Variants in HRH2 observed in about 807,000 individuals in gnomAD.
The protein encoded by HRH2 is histamine H2 receptor.
Under a neutral mutation model 20.1 loss-of-function variants are expected in HRH2, and 4 were observed. The ratio of observed to expected loss-of-function variants is 0.20; its 90% CI spans 0.10 to 0.45. HRH2 has a LOEUF of 0.45. Ranked by LOEUF, HRH2 falls within the 20% of genes least tolerant of loss-of-function variation. The pLI is 0.99. For synonymous variants in HRH2, 197 were observed against 200.7 expected, an observed-to-expected ratio of 0.98 and a Z score of 0.16; for missense variants, 250 against 461.6, an observed-to-expected ratio of 0.54 and a Z score of 4.20.
At chr5:175,684,811 G>A (rs1211771659) in intron 2 of HRH2, among the ~76,000 whole-genome samples, 1 of 152,210 alleles carries the variant, frequency 6.6e-6, no homozygotes, top group East Asian at 1.9e-4. Flanking sequence ...TTACCGTGGG[G>A]GGGGTGTAAG....
chr5:175,705,766 G>A (rs1013982646), intron 2 of HRH2, among the ~76,000 whole-genome samples: 18 of 151,872 alleles, frequency 1.2e-4, no homozygotes, highest in African/African-American at 4.1e-4. Flanking sequence ...AGGTTCAAGC[G>A]ATCCTCCTGC....
intron 1 of HRH2, among the ~76,000 whole-genome samples, chr5:175,682,464 T>G (rs1756018306): frequency 6.6e-6 from 1 of 152,186 alleles, no homozygotes; most frequent in Non-Finnish European, 1.5e-5. Context: ...GTACAAGCAC[T>G]TCCAGCCTTT....
In HRH2 at chr5:175,684,136, G is replaced by A; in HGVS notation, c.903G>A (p.Gln301=). The change falls in exon 2 of 3, where the codon CAG becomes CAA. Residue 301 remains glutamine, a synonymous_variant. Transcript: ENST00000636584. ...LNRDFRTGYQ[Q]LFCCRLANRN... ...GAGACTTCCGCACCGGGTACCAACA[G>A]CTCTTCTGCTGCAGGCTGGCCAACC... 1.2e-6 allele frequency: 2 copies of A among 1,614,184 alleles called. No individual in the cohort carries two copies. The highest frequency in any genetic ancestry group is 2.2e-5 in the South Asian group (2 of 91,084).
intron 1 of HRH2, among the ~76,000 whole-genome samples, chr5:175,665,524 G>T (rs939020663): frequency 2.6e-5 from 4 of 152,188 alleles, no homozygotes. Context: ...TCAGAGGGCT[G>T]TTAGAACCCA....
intron 2 of HRH2, chr5:175,685,788 T>TAAG (rs1756152018): frequency 2.1e-6 from 1 of 471,238 alleles, no homozygotes; most frequent in African/African-American, 2.0e-5. Flanking sequence ...CAATAGGACA[T>TAAG]AAGTCCACGC....
chr5:175,675,897 T>C (rs1208399073), intron 1 of HRH2, among the ~76,000 whole-genome samples: 3 of 152,274 alleles, frequency 2.0e-5, no homozygotes, highest in African/African-American at 7.2e-5. Flanking sequence ...TCTCCCATCC[T>C]GTCCCAGCTC....
At chr5:175,698,663 A>G (rs1193817777) in intron 2 of HRH2, among the ~76,000 whole-genome samples, 2 of 152,204 alleles carry the variant, frequency 1.3e-5, no homozygotes, top group African/African-American at 4.8e-5. Context: ...GTCCGAGGCT[A>G]TAGCTCATGA....
rs1003862180 is a variant in HRH2 at position 175,675,019 on chromosome 5, G to A, written c.-525-7690G>A. Among the ~76,000 whole-genome samples, 17 of 152,338 alleles carry A rather than the reference G, an allele frequency of 1.1e-4. 1 individual carries two copies. The highest frequency in any genetic ancestry group is 2.0e-4 in the Admixed American group (3 of 15,310). On this transcript the variant is annotated intron_variant, in intron 1 of 2. Coordinates refer to ENST00000636584, the MANE Select transcript of HRH2 (RefSeq NM_001367711.1). ...CTGCAAAGCCAAATATGTGGAGGCC[G>A]AGAACAGGGACTCTGGAGGCTGACA...
chr5:175,706,885 AG>A (rs1756957096), intron 2 of HRH2, among the ~76,000 whole-genome samples: 2 of 152,294 alleles, frequency 1.3e-5, no homozygotes, highest in South Asian at 2.1e-4. Flanking sequence ...TCTATGTGGA[AG>A]GGGGAGGGAG....
intron 1 of HRH2, among the ~76,000 whole-genome samples, chr5:175,669,277 C>G (rs946388195): frequency 6.6e-6 from 1 of 152,054 alleles, no homozygotes; most frequent in African/African-American, 2.4e-5. Flanking sequence ...TCCCTGCCAC[C>G]GTATAATATT....
At chr5:175,706,852 G>C (rs1249981929) in intron 2 of HRH2, among the ~76,000 whole-genome samples, 1 of 152,220 alleles carries the variant, frequency 6.6e-6, no homozygotes, top group African/African-American at 2.4e-5. Context: ...GACGCTAAAG[G>C]CATGACGGTT....
intron 1 of HRH2, among the ~76,000 whole-genome samples, chr5:175,666,040 C>T (rs1762879037): frequency 6.6e-6 from 1 of 152,194 alleles, no homozygotes; most frequent in South Asian, 2.1e-4. Context: ...GGCACTGAGC[C>T]CATAGTGGCC....
At chr5:175,696,001 G>A (rs1393705415) in intron 2 of HRH2, among the ~76,000 whole-genome samples, 1 of 152,278 alleles carries the variant, frequency 6.6e-6, no homozygotes, top group Non-Finnish European at 1.5e-5. Flanking sequence ...GCCAGGCACT[G>A]CTAAATGCCC....
chr5:175,672,824 A>G (rs752726992), intron 1 of HRH2, among the ~76,000 whole-genome samples: 4 of 152,290 alleles, frequency 2.6e-5, no homozygotes, highest in Non-Finnish European at 5.9e-5. Context: ...GGGTGAATTG[A>G]GCTGCCTTGG....
chr5:175,672,933 G>A (rs1755605432), intron 1 of HRH2, among the ~76,000 whole-genome samples: 1 of 152,156 alleles, frequency 6.6e-6, no homozygotes, highest in Non-Finnish European at 1.5e-5. Context: ...GGAGGAGCAG[G>A]TGTGTAGTAT....
At chr5:175,659,487 C>T (rs749312107) in intron 1 of HRH2, among the ~76,000 whole-genome samples, 6 of 152,248 alleles carry the variant, frequency 3.9e-5, no homozygotes, top group Non-Finnish European at 5.9e-5. Context: ...AGGCCTGGTA[C>T]TCGGTGCATT....
In HRH2 at chr5:175,681,032, A is replaced by T. The variant is rs1755947670; in HGVS notation, c.-525-1677A>T. The stretch of plus-strand genomic sequence containing the variant: ...TTGAAGACCCCTCATCCAAACATGA[A>T]CTCAAATGTCAGCCTGATGCCAAAA... On this transcript the variant is annotated intron_variant, in intron 1 of 2. Coordinates refer to ENST00000636584, the MANE Select transcript of HRH2 (RefSeq NM_001367711.1). The surrounding 1 kb of genome is among the most constrained non-coding windows in gnomAD (Gnocchi z 4.3). 6.6e-6 allele frequency among the ~76,000 whole-genome samples: 1 copy of T among 152,110 alleles called. No individual in the cohort carries two copies. Among genetic ancestry groups the T allele is most frequent in the Admixed American group, 6.6e-5 (1 of 15,254 alleles).
intron 1 of HRH2, among the ~76,000 whole-genome samples, chr5:175,662,756 A>T (rs999156350): frequency 5.3e-5 from 8 of 152,190 alleles, no homozygotes; most frequent in Non-Finnish European, 1.0e-4. Context: ...TGCAGCCATC[A>T]CCACTATGTG....
chr5:175,668,808 T>C (rs116167961), intron 1 of HRH2, among the ~76,000 whole-genome samples: 121 of 151,956 alleles, frequency 8.0e-4, no homozygotes, highest in African/African-American at 2.8e-3. Context: ...GGCAGCAAGG[T>C]CATGGCAGAG....
Sources: allele counts gnomAD v4.1 joint callset (sites outside exome capture counted in the v4.1 genomes callset), GRCh38; gene constraint gnomAD v4.1.1; non-coding constraint Gnocchi (gnomAD v3.1); transcripts MANE v1.5; gene names NCBI Gene and HGNC (gene_info 2026-07-23, HGNC 2026-07-21).